Variants in TRIP13 observed in about 807,000 individuals in gnomAD.
TRIP13 encodes pachytene checkpoint protein 2 homolog.
A neutral mutation model predicts 54.4 loss-of-function variants in TRIP13; 25 were observed. The observed-to-expected ratio is 0.46, with a 90% CI of 0.33 to 0.64. TRIP13 has a LOEUF of 0.64. Ranked by LOEUF, TRIP13 falls within the 30% of genes least tolerant of loss-of-function variation. The probability of loss-of-function intolerance (pLI) is 0.02; values close to 1 mark genes in which losing one functional copy is unlikely to be tolerated. For missense variants in TRIP13, 373 were observed against 534.2 expected, an observed-to-expected ratio of 0.70 and a Z score of 2.97; for synonymous variants, 207 against 207.8, an observed-to-expected ratio of 1.00 and a Z score of 0.03.
In TRIP13 at chr5:893,221, G is replaced by C. The variant is rs1198379968; in HGVS notation, c.92+131G>C. 4.3e-6 allele frequency: 4 copies of C among 933,448 alleles called. No individual in the cohort carries two copies. In the East Asian group the frequency reaches 1.3e-4, roughly 30 times the overall value. 57.8% of individuals were successfully genotyped at this position (933,448 alleles called of 1,614,324 possible). A position where few individuals can be genotyped will look rare whatever the true frequency, so the allele number is the denominator to read the frequency against. ...CCAGGGTACTGATCCGGCCCGACTG[G>C]ACCCGGGCGCACAGGCCGCCGGGCC... is the stretch of plus-strand genomic sequence containing the variant. On this transcript the variant is annotated intron_variant, in intron 1 of 12. Transcript: ENST00000166345.
At position 902,194 on chromosome 5, in the gene TRIP13, T is replaced by G. The variant is rs376891768; in HGVS notation, c.535+763T>G. Among the ~76,000 whole-genome samples, 50 of 152,328 alleles carry G rather than the reference T, an allele frequency of 3.3e-4. 1 individual carries two copies. In the South Asian group the frequency reaches 9.3e-3, roughly 28 times the overall value. On this transcript the variant is annotated intron_variant, in intron 5 of 12. Coordinates refer to ENST00000166345, the MANE Select transcript of TRIP13 (RefSeq NM_004237.4). ...ATACTGATGGTTTGTTGTTTGGTTT[T>G]GTTTTGTTTTGTTGTCAATATCACC... is the stretch of plus-strand genomic sequence containing the variant.
intron 6 of TRIP13, among the ~76,000 whole-genome samples, chr5:906,904 A>G (rs1175197703): frequency 6.6e-6 from 1 of 152,186 alleles, no homozygotes; most frequent in African/African-American, 2.4e-5. Context: ...GGGAGTTTTT[A>G]CTCTTTAACT....
chr5:896,920 T>C, intron 3 of TRIP13, 126 bp downstream of exon 3: 1 of 1,147,622 alleles, frequency 8.7e-7, no homozygotes, highest in African/African-American at 1.6e-5. Context: ...ATGTTTTCTC[T>C]CTTATGAAAT....
Position 917,110 on chromosome 5 carries a change from G to A in TRIP13, c.*7G>A. Reference sequence around the variant, plus strand: ...GCTTGCAGCTTACATCTGATCCTGGGCTTCCCCATCTGGTGCTTTTCCCAT... The same window carrying A: ...GCTTGCAGCTTACATCTGATCCTGGACTTCCCCATCTGGTGCTTTTCCCAT... On this transcript the variant is annotated 3_prime_UTR_variant, in exon 13 of 13. Transcript: ENST00000166345. 2 of 1,613,640 alleles carry A rather than the reference G, an allele frequency of 1.2e-6. No homozygotes were observed. Among genetic ancestry groups the A allele is most frequent in the East Asian group, 2.2e-5 (1 of 44,848 alleles).
chr5:904,253 T>A (rs773948491), intron 6 of TRIP13, 33 bp downstream of exon 6: 2 of 1,553,952 alleles, frequency 1.3e-6, no homozygotes, highest in Non-Finnish European at 1.7e-6. Context: ...AGGAGAGCCA[T>A]GGGAATGGGA....
At chr5:906,366 C>G (rs1433036224) in intron 6 of TRIP13, among the ~76,000 whole-genome samples, 1 of 152,144 alleles carries the variant, frequency 6.6e-6, no homozygotes, top group Non-Finnish European at 1.5e-5. Flanking sequence ...ATCAAAGAAT[C>G]AAAATGTTTT....
At chr5:894,265 G>C (rs554445748) in intron 1 of TRIP13, among the ~76,000 whole-genome samples, 11 of 152,232 alleles carry the variant, frequency 7.2e-5, no homozygotes, top group South Asian at 4.2e-4. Flanking sequence ...GGTGTGATCC[G>C]GGACCAGGTC....
intron 6 of TRIP13, among the ~76,000 whole-genome samples, chr5:905,304 C>T (rs927234567): frequency 1.3e-5 from 2 of 152,188 alleles, no homozygotes; most frequent in African/African-American, 4.8e-5. Context: ...AGGAGCCCTT[C>T]AGCTCACAGA....
intron 5 of TRIP13, among the ~76,000 whole-genome samples, chr5:902,274 A>G (rs1164787221): frequency 6.6e-6 from 1 of 152,216 alleles, no homozygotes; most frequent in African/African-American, 2.4e-5. Flanking sequence ...AACTGTAGCC[A>G]AGTGTTAAAT....
Position 901,606 on chromosome 5 carries a change from T to C in TRIP13, c.535+175T>C, listed in dbSNP as rs545917137. Among the ~76,000 whole-genome samples the C allele has an allele frequency of 9.4e-5, 13 of 138,820 alleles. No homozygotes were observed. The South Asian group carries it at 1.5e-3, about 16-fold the overall frequency. 91.1% of individuals were successfully genotyped at this position (138,820 alleles called of 152,430 possible). A position where few individuals can be genotyped will look rare whatever the true frequency, so the allele number is the denominator to read the frequency against. On this transcript the variant is annotated intron_variant, in intron 5 of 12. Transcript: ENST00000166345. ...CAGCTCATGACACTTGGGACATTTT[T>C]TGTTTGTTTGTTTGTTTTTGTTTTT...
intron 1 of TRIP13, among the ~76,000 whole-genome samples, chr5:894,133 C>T (rs1753817846): frequency 6.6e-6 from 1 of 152,144 alleles, no homozygotes; most frequent in African/African-American, 2.4e-5. Flanking sequence ...CACATGTCAC[C>T]TGCCTGGCTC....
In TRIP13 at chr5:912,819, G is replaced by T. The variant is rs1319699183; in HGVS notation, c.1020+823G>T. Among the ~76,000 whole-genome samples, 1 of 152,242 alleles carries T rather than the reference G, an allele frequency of 6.6e-6. No homozygotes were observed. The highest frequency in any genetic ancestry group is 1.5e-5 in the Non-Finnish European group (1 of 68,048). On this transcript the variant is annotated intron_variant, in intron 10 of 12. Coordinates refer to ENST00000166345, the MANE Select transcript of TRIP13 (RefSeq NM_004237.4). This position sits in a 1 kb window ranked among gnomAD's most constrained non-coding sequence, Gnocchi z 7.2. ...TGCTGCTCTAGCCCCTGTGGGAACA[G>T]ACCTGTCCCAGACAAATCATCCTGC...
chr5:911,722 T>G lies in TRIP13; in HGVS notation c.867-121T>G, dbSNP rs915736408. 1.5e-5 allele frequency: 20 copies of G among 1,323,836 alleles called. No individual in the cohort carries two copies. Among genetic ancestry groups the G allele is most frequent in the Non-Finnish European group, 2.0e-5 (20 of 988,836 alleles). The allele number at this position is 1,323,836 out of a possible 1,614,324, so 82.0% of individuals were successfully genotyped here. A position where few individuals can be genotyped will look rare whatever the true frequency, so the allele number is the denominator to read the frequency against. On this transcript the variant is annotated intron_variant, in intron 9 of 12. Transcript: ENST00000166345. This position sits in a 1 kb window ranked among gnomAD's most constrained non-coding sequence, Gnocchi z 4.7. ...TGGCCTGTGTTGGCACAAGGCCACT[T>G]TCCTTCCTGTTGGCAGCCTGCTGGC...
chr5:893,280 C>T (rs563640625), intron 1 of TRIP13, among the ~76,000 whole-genome samples, 190 bp downstream of exon 1: 6 of 152,212 alleles, frequency 3.9e-5, no homozygotes, highest in African/African-American at 1.4e-4. Flanking sequence ...CGCGACCCCA[C>T]CGCAGGGCAC....
intron 9 of TRIP13, among the ~76,000 whole-genome samples, chr5:909,205 G>A (rs1754179842): frequency 6.6e-6 from 1 of 152,162 alleles, no homozygotes; most frequent in Non-Finnish European, 1.5e-5. Flanking sequence ...ACAGGGCCAG[G>A]GCCTGTTGTC....
intron 5 of TRIP13, among the ~76,000 whole-genome samples, chr5:903,092 G>A (rs1580053765): frequency 6.6e-6 from 1 of 152,092 alleles, no homozygotes; most frequent in South Asian, 2.1e-4. Flanking sequence ...CTAATGTCAG[G>A]CCCTCCACAA....
At position 917,176 on chromosome 5, in the gene TRIP13, C is replaced by T. The variant is rs112201468; in HGVS notation, c.*73C>T. The T allele has an allele frequency of 6.8e-5, 100 of 1,465,120 alleles. 1 individual carries two copies. In the African/African-American group the frequency reaches 1.0e-3, roughly 15 times the overall value. The allele number at this position is 1,465,120 out of a possible 1,614,324, so 90.8% of individuals were successfully genotyped here. On this transcript the variant is annotated 3_prime_UTR_variant, in exon 13 of 13. Transcript: ENST00000166345. Reference sequence around the variant, plus strand: ...AGTAAGTGAGGTTGCCCCACACAGCCGTCTCCCAGGGAATCCCTTCTGCAA... The same window carrying T: ...AGTAAGTGAGGTTGCCCCACACAGCTGTCTCCCAGGGAATCCCTTCTGCAA...
At chr5:901,522 C>T (rs1483197070) in intron 5 of TRIP13, 91 bp downstream of exon 5, 5 of 1,257,800 alleles carry the variant, frequency 4.0e-6, no homozygotes, top group Non-Finnish European at 5.6e-6. Context: ...AGTTACGGCT[C>T]TTTGTTTTCT....
Position 913,983 on chromosome 5 carries a change from G to A in TRIP13, c.1021-482G>A, listed in dbSNP as rs13357088. 0.013 allele frequency among the ~76,000 whole-genome samples: 2,032 copies of A among 151,936 alleles called. 42 individuals carry two copies. The highest frequency in any genetic ancestry group is 0.046 in the African/African-American group (1,917 of 41,274). On this transcript the variant is annotated intron_variant, in intron 10 of 12. Transcript: ENST00000166345. The surrounding 1 kb of genome is among the most constrained non-coding windows in gnomAD (Gnocchi z 4.5). Reference sequence around the variant, plus strand: ...GGGAACTTCTGGTGCTCAGCTCCTCGGTCAGTCAGACACTGTCATGCTGCC... The same window carrying A: ...GGGAACTTCTGGTGCTCAGCTCCTCAGTCAGTCAGACACTGTCATGCTGCC...
Sources: gnomAD v4.1 joint callset for allele counts (sites outside exome capture counted in the v4.1 genomes callset) on GRCh38, gnomAD v4.1.1 for gene constraint, Gnocchi (gnomAD v3.1) non-coding constraint, MANE v1.5 for transcripts, NCBI Gene and HGNC (gene_info 2026-07-23, HGNC 2026-07-21) for gene names.